The following SMO variants were observed in gnomAD, a reference collection of about 807,000 sequenced individuals.
SMO encodes the protein protein smoothened.
SMO carries 40 observed loss-of-function variants against 81.6 expected under a neutral mutation model. The ratio of observed to expected loss-of-function variants is 0.49; its 90% CI spans 0.38 to 0.64. The LOEUF (loss-of-function observed/expected upper bound fraction) is 0.64. SMO is among the 30% of genes least tolerant of loss of function. SMO has a pLI of 0.00. For synonymous variants in SMO, 434 were observed against 432.1 expected (o/e 1.00, Z -0.05); for missense variants, 916 against 1,061.1 (o/e 0.86, Z 1.90).
chr7:129,202,759 G>A (rs1202406373), intron 1 of SMO, among the ~76,000 whole-genome samples: 4 of 152,038 alleles, frequency 2.6e-5, no homozygotes, highest in Non-Finnish European at 4.4e-5. Flanking sequence ...AGGGTTCTGG[G>A]GTCTGGGCAA....
chr7:129,210,653 G>A lies in SMO; in HGVS notation c.1652+105G>A. On this transcript the variant is annotated intron_variant, in intron 9 of 11. Transcript: ENST00000249373. This position sits in a 1 kb window ranked among gnomAD's most constrained non-coding sequence, Gnocchi z 4.7. ...CCTGCCTCTAGCACAGCCTTGGTCA[G>A]TGGTTCACCGCTGCCCCCTGGTGGC... 1 of 952,390 alleles carries A rather than the reference G, an allele frequency of 1.0e-6. No homozygotes were observed. Among genetic ancestry groups the A allele is most frequent in the South Asian group, 1.5e-5 (1 of 65,524 alleles). The allele number at this position is 952,390 out of a possible 1,614,324, so 59.0% of individuals were successfully genotyped here.
At chr7:129,197,572 C>T (rs537229959) in intron 1 of SMO, among the ~76,000 whole-genome samples, 3 of 152,126 alleles carry the variant, frequency 2.0e-5, no homozygotes, top group East Asian at 1.9e-4. Flanking sequence ...GGACTACAGG[C>T]GCATGCCACC....
chr7:129,211,822 G>C lies in SMO; in HGVS notation c.1936+52G>C, dbSNP rs1252714122. On this transcript the variant is annotated intron_variant, in intron 11 of 11. Transcript: ENST00000249373. This position sits in a 1 kb window ranked among gnomAD's most constrained non-coding sequence, Gnocchi z 4.6. ...AGGTGGGGGGAGCACAGAGGCTGGG[G>C]GCTTCTGGGACTGGAGTACAGGGGC... is the stretch of plus-strand genomic sequence containing the variant. 1.2e-6 allele frequency: 2 copies of C among 1,608,418 alleles called. No individual in the cohort carries two copies. Among genetic ancestry groups the C allele is most frequent in the South Asian group, 1.1e-5 (1 of 90,960 alleles).
chr7:129,208,627 C>G lies in SMO; in HGVS notation c.1265-132C>G. 1 of 624,154 alleles carries G rather than the reference C, an allele frequency of 1.6e-6. No homozygotes were observed. Among genetic ancestry groups the G allele is most frequent in the Non-Finnish European group, 2.9e-6 (1 of 339,108 alleles). The allele number at this position is 624,154 out of a possible 1,614,324, so 38.7% of individuals were successfully genotyped here. On this transcript the variant is annotated intron_variant, in intron 6 of 11. Coordinates refer to ENST00000249373, the MANE Select transcript of SMO (RefSeq NM_005631.5). The surrounding 1 kb of genome is among the most constrained non-coding windows in gnomAD (Gnocchi z 5.2). Reference sequence around the variant, plus strand: ...CCATTTCTCCAGTGTCTCTAGCTCCCCAGGTTTTCATTTAGCACAGGGGTA... The same window carrying G: ...CCATTTCTCCAGTGTCTCTAGCTCCGCAGGTTTTCATTTAGCACAGGGGTA...
rs142547350 is a variant in SMO at position 129,202,127 on chromosome 7, T to A, written c.332-1257T>A. ...GACAAATAATCATAAGAGTTAACAT[T>A]TCCTGAGCGCTTACTACATGACAGG... On this transcript the variant is annotated intron_variant, in intron 1 of 11. Coordinates refer to ENST00000249373, the MANE Select transcript of SMO (RefSeq NM_005631.5). Among the ~76,000 whole-genome samples, 609 of 152,256 alleles carry A rather than the reference T, an allele frequency of 4.0e-3. 1 individual carries two copies. Among genetic ancestry groups the A allele is most frequent in the Non-Finnish European group, 6.9e-3 (471 of 68,018 alleles).
In SMO at chr7:129,210,228, C is replaced by T; in HGVS notation, c.1467-135C>T. ...GGCTGAAGCAGGAGATTGCCTGAGCCCAGGAGTTGGAAGCTGCAGTGGGTT... is the reference window on the plus strand; with the variant it reads ...GGCTGAAGCAGGAGATTGCCTGAGCTCAGGAGTTGGAAGCTGCAGTGGGTT... On this transcript the variant is annotated intron_variant, in intron 8 of 11. Coordinates refer to ENST00000249373, the MANE Select transcript of SMO (RefSeq NM_005631.5). The surrounding 1 kb of genome is among the most constrained non-coding windows in gnomAD (Gnocchi z 4.7). 1.5e-6 allele frequency: 1 copy of T among 686,324 alleles called. No homozygotes were observed. Among genetic ancestry groups the T allele is most frequent in the Non-Finnish European group, 2.5e-6 (1 of 402,718 alleles). 42.5% of individuals were successfully genotyped at this position (686,324 alleles called of 1,614,324 possible).
rs1301564984 is a variant in SMO, at chr7:129,202,465, A to G, written c.332-919A>G. On this transcript the variant is annotated intron_variant, in intron 1 of 11. Coordinates refer to ENST00000249373, the MANE Select transcript of SMO (RefSeq NM_005631.5). Reference sequence around the variant, plus strand: ...CATCCTCATATTCTCTCCTAATGCAACTTCTTGCTTGGGAAATAGATATTG... The same window carrying G: ...CATCCTCATATTCTCTCCTAATGCAGCTTCTTGCTTGGGAAATAGATATTG... Among the ~76,000 whole-genome samples, 5 of 152,118 alleles carry G rather than the reference A, an allele frequency of 3.3e-5. No individual in the cohort carries two copies. In the East Asian group the frequency reaches 9.6e-4, roughly 29 times the overall value.
rs892751969 is a variant in SMO at position 129,188,770 on chromosome 7, C to G, written c.-382C>G. ...GCGGGGGCGGAGCCGGAGCTGCACTCGCACCCCCGGCCCGCGTCTGGCCTC... is the reference window on the plus strand; with the variant it reads ...GCGGGGGCGGAGCCGGAGCTGCACTGGCACCCCCGGCCCGCGTCTGGCCTC... On this transcript the variant is annotated 5_prime_UTR_variant, in exon 1 of 12. Coordinates refer to ENST00000249373, the MANE Select transcript of SMO (RefSeq NM_005631.5). The surrounding 1 kb of genome is among the most constrained non-coding windows in gnomAD (Gnocchi z 4.9). 1 of 197,322 alleles carries G rather than the reference C, an allele frequency of 5.1e-6. No individual in the cohort carries two copies. The highest frequency in any genetic ancestry group is 2.3e-5 in the African/African-American group (1 of 42,812). 12.2% of individuals were successfully genotyped at this position (197,322 alleles called of 1,614,324 possible).
At chr7:129,199,854 AG>A (rs2150644684) in intron 1 of SMO, among the ~76,000 whole-genome samples, 1 of 152,360 alleles carries the variant, frequency 6.6e-6, no homozygotes, top group South Asian at 2.1e-4. Flanking sequence ...TTTTTATCAC[AG>A]TGATAAAGAT....
rs989582182 is a variant in SMO at position 129,211,101 on chromosome 7, G to A, written c.1789G>A (p.Asp597Asn). 5 of 1,608,416 alleles carry A rather than the reference G, an allele frequency of 3.1e-6. No individual in the cohort carries two copies. Among genetic ancestry groups the A allele is most frequent in the Non-Finnish European group, 4.2e-6 (5 of 1,176,842 alleles). The change falls in exon 10 of 12, where the codon GAC (aspartate) becomes AAC (asparagine). Residue 597 changes from aspartate to asparagine, a missense_variant. By Grantham distance (23) the Asp-to-Asn change is conservative. Transcript: ENST00000249373. The surrounding 1 kb of genome is among the most constrained non-coding windows in gnomAD (Gnocchi z 4.6). ...LSFSMHTVSH[D>N]GPVAGLAFDL... is the part of the protein sequence containing the mutation. ...CTTCAGCATGCACACTGTGTCCCAC[G>A]ACGGGCCCGTGGGTGAGCCTCACCC...
chr7:129,207,581 A>G (rs1169479114), intron 6 of SMO, among the ~76,000 whole-genome samples: 3 of 152,164 alleles, frequency 2.0e-5, no homozygotes, highest in Non-Finnish European at 4.4e-5. Flanking sequence ...CTAGTATGGT[A>G]ATCACTAGCC....
chr7:129,209,714 C>T, intron 8 of SMO: 1 of 316,168 alleles, frequency 3.2e-6, no homozygotes. Context: ...ATTCTGTGTG[C>T]TCTCCTGCAG....
In SMO at chr7:129,212,071, T is replaced by C; in HGVS notation, c.1984T>C (p.Ser662Pro). ...ANLWLVEAEI[S>P]PELQKRLGRK... ...CCTGTGGCTGGTTGAGGCAGAGATCTCCCCAGAGCTGCAGAAGCGCCTGGG... is the reference window on the plus strand; with the variant it reads ...CCTGTGGCTGGTTGAGGCAGAGATCCCCCCAGAGCTGCAGAAGCGCCTGGG... The change falls in exon 12 of 12, where the codon TCC (serine) becomes CCC (proline). Residue 662 changes from serine (S) to proline (P), a missense_variant. Physicochemically the swap from Ser to Pro is moderately conservative, Grantham distance 74. This residue lies in a region of SMO where 324 missense variants were observed against 312.9 expected (regional missense o/e 1.04). Transcript: ENST00000249373. This position sits in a 1 kb window ranked among gnomAD's most constrained non-coding sequence, Gnocchi z 5.0. 1 of 1,588,266 alleles carries C rather than the reference T, an allele frequency of 6.3e-7. No homozygotes were observed. Among genetic ancestry groups the C allele is most frequent in the African/African-American group, 1.3e-5 (1 of 74,510 alleles).
At chr7:129,202,873 C>T (rs1025451802) in intron 1 of SMO, among the ~76,000 whole-genome samples, 9 of 152,262 alleles carry the variant, frequency 5.9e-5, no homozygotes, top group African/African-American at 2.2e-4. Flanking sequence ...CATTACCACT[C>T]CCTAGCAGGG....
intron 8 of SMO, chr7:129,209,650 G>T: frequency 2.2e-6 from 1 of 460,754 alleles, no homozygotes; most frequent in Non-Finnish European, 3.9e-6. Flanking sequence ...ATGTGTGACT[G>T]TTAAGCAGCC....
chr7:129,191,875 A>C (rs1435811811), intron 1 of SMO, among the ~76,000 whole-genome samples: 1 of 152,178 alleles, frequency 6.6e-6, no homozygotes, highest in Non-Finnish European at 1.5e-5. Flanking sequence ...TGTTTGCTGT[A>C]TGTCACATGC....
chr7:129,205,318 A>G lies in SMO; in HGVS notation c.653A>G (p.Gln218Arg). 6.2e-7 allele frequency: 1 copy of G among 1,614,232 alleles called. No homozygotes were observed. The highest frequency in any genetic ancestry group is 8.5e-7 in the Non-Finnish European group (1 of 1,180,034). ...GTGGAGGGCTGCGGCATCCAGTGCC[A>G]GAACCCGCTCTTCACAGAGGCTGAG... ...EDVEGCGIQC[Q>R]NPLFTEAEHQ... Residue 218 changes from glutamine (Q) to arginine (R), a missense_variant, in exon 3 of 12, where the codon CAG (glutamine) becomes CGG (arginine). Around this residue, in one of 4 missense-constraint regions of SMO, gnomAD observed 436 missense variants for 570.9 expected, o/e 0.76. Coordinates refer to ENST00000249373, the MANE Select transcript of SMO (RefSeq NM_005631.5).
chr7:129,193,480 C>T (rs939070607), intron 1 of SMO, among the ~76,000 whole-genome samples: 26 of 151,888 alleles, frequency 1.7e-4, no homozygotes, highest in Admixed American at 5.3e-4. Context: ...TATATATGGC[C>T]GGGCGCGGTG....
intron 6 of SMO, among the ~76,000 whole-genome samples, chr7:129,207,225 A>C (rs538942371): frequency 6.0e-4 from 92 of 152,300 alleles, no homozygotes; most frequent in African/African-American, 2.0e-3. Context: ...GAACACCCTG[A>C]GTAACCTACT....
Sources: gnomAD v4.1 joint callset for allele counts (sites outside exome capture counted in the v4.1 genomes callset) on GRCh38, gnomAD v4.1.1 for gene constraint, gnomAD v4.1.1 regional missense constraint, Gnocchi (gnomAD v3.1) non-coding constraint, MANE v1.5 for transcripts, NCBI Gene and HGNC (gene_info 2026-07-23, HGNC 2026-07-21) for gene names.